The following GRID2 variants were observed in gnomAD, a reference collection of about 807,000 sequenced individuals.
GRID2 encodes glutamate ionotropic receptor delta type subunit 2, also known as glutamate receptor ionotropic, delta-2.
In GRID2, 33 loss-of-function variants were observed where a neutral mutation model predicts 114.8. The observed-to-expected ratio is 0.29, with a 90% confidence interval of 0.22 to 0.38. The LOEUF (loss-of-function observed/expected upper bound fraction) is 0.38. Ranked by LOEUF, GRID2 falls within the 10% of genes least tolerant of loss-of-function variation. The pLI, the probability that GRID2 is intolerant of heterozygous loss-of-function variation, is 1.00. For synonymous variants in GRID2, 505 were observed against 449.9 expected, an observed-to-expected ratio of 1.12 and a Z score of -1.55; for missense variants, 1,184 against 1,257.7, an observed-to-expected ratio of 0.94 and a Z score of 0.89.
In GRID2 at chr4:92,935,506, A is replaced by C. The variant is rs1750596390; in HGVS notation, c.245-149489A>C. Among the ~76,000 whole-genome samples the C allele has an allele frequency of 1.4e-5, 2 of 146,646 alleles. 1 individual carries two copies. Among genetic ancestry groups the C allele is most frequent in the Non-Finnish European group, 3.0e-5 (2 of 66,318 alleles). On this transcript the variant is annotated intron_variant, in intron 2 of 15. Transcript: ENST00000282020. ...TCCTCAGGGATCTAGAACTAGAAAT[A>C]CCATTTGACCCAGCCATCCCATTAC...
At chr4:92,499,366 T>C (rs2149121515) in intron 1 of GRID2, among the ~76,000 whole-genome samples, 1 of 152,282 alleles carries the variant, frequency 6.6e-6, no homozygotes, top group African/African-American at 2.4e-5. Flanking sequence ...CTTATTCTGC[T>C]GCCCATTCCT....
chr4:92,443,348 G>T (rs921512938), intron 1 of GRID2, among the ~76,000 whole-genome samples: 9 of 152,118 alleles, frequency 5.9e-5, no homozygotes, highest in Non-Finnish European at 1.3e-4. Context: ...AGGCATTTAG[G>T]TTTTAGGTCA....
intron 14 of GRID2, among the ~76,000 whole-genome samples, chr4:93,644,590 G>A (rs1302478590): frequency 2.0e-5 from 3 of 152,008 alleles, no homozygotes; most frequent in Non-Finnish European, 4.4e-5. Flanking sequence ...GGCCCTTCTA[G>A]GGAGCCTCTT....
At chr4:93,756,412 T>A (rs913840553) in intron 14 of GRID2, among the ~76,000 whole-genome samples, 2 of 152,168 alleles carry the variant, frequency 1.3e-5, no homozygotes, top group African/African-American at 2.4e-5. Context: ...GCTTAAACAA[T>A]GGAAATTTAT....
intron 2 of GRID2, among the ~76,000 whole-genome samples, chr4:92,720,932 C>A (rs573009547): frequency 1.3e-5 from 2 of 152,078 alleles, no homozygotes. Context: ...AATGAACAAA[C>A]AAAATGTGGT....
chr4:93,455,892 C>G lies in GRID2; in HGVS notation c.1776C>G (p.Pro592=). Residue 592 remains proline (P), a synonymous_variant, in exon 11 of 16, where the codon CCC becomes CCG. Coordinates refer to ENST00000282020, the MANE Select transcript of GRID2 (RefSeq NM_001510.4). ...LLVYLLNWLN[P]PRLQMGSMTS... ...TCTACCTCTTGAACTGGCTTAATCC[C>G]CCACGATTACAAATGGGATCAATGA... 6.2e-7 allele frequency: 1 copy of G among 1,610,740 alleles called. No individual in the cohort carries two copies. The highest frequency in any genetic ancestry group is 1.3e-5 in the African/African-American group (1 of 74,950).
At chr4:92,553,678 GTC>G (rs1358402610) in intron 1 of GRID2, among the ~76,000 whole-genome samples, 4 of 150,510 alleles carry the variant, frequency 2.7e-5, no homozygotes, top group African/African-American at 7.3e-5. Flanking sequence ...TTTTTAGACA[GTC>G]TCTCTCTGTC....
intron 4 of GRID2, among the ~76,000 whole-genome samples, chr4:93,168,066 C>A (rs1374401463): frequency 6.6e-6 from 1 of 151,958 alleles, no homozygotes; most frequent in East Asian, 1.9e-4. Flanking sequence ...TGTAGTGGTG[C>A]ACTCTTGTAA....
chr4:93,678,345 A>G (rs1038867812), intron 14 of GRID2, among the ~76,000 whole-genome samples: 15 of 152,332 alleles, frequency 9.8e-5, no homozygotes, highest in African/African-American at 2.9e-4. Flanking sequence ...CAAGTTGGAA[A>G]ACACTCTGCA....
intron 14 of GRID2, among the ~76,000 whole-genome samples, chr4:93,678,508 T>C (rs1725153479): frequency 6.6e-6 from 1 of 151,516 alleles, no homozygotes; most frequent in Non-Finnish European, 1.5e-5. Flanking sequence ...AAGGAAAAAA[T>C]GTTAAGGGCA....
chr4:92,995,823 T>A (rs1451200916), intron 2 of GRID2, among the ~76,000 whole-genome samples: 1 of 152,212 alleles, frequency 6.6e-6, no homozygotes, highest in Non-Finnish European at 1.5e-5. Flanking sequence ...TGTTAAAGTA[T>A]CTGGGCTTGA....
At chr4:92,776,066 TCA>T (rs1325804558) in intron 2 of GRID2, among the ~76,000 whole-genome samples, 1 of 152,158 alleles carries the variant, frequency 6.6e-6, no homozygotes, top group Non-Finnish European at 1.5e-5. Context: ...TTTGATAATC[TCA>T]GATTAAAACT....
intron 15 of GRID2, 68 bp downstream of exon 15, chr4:93,769,518 C>T: frequency 6.7e-7 from 1 of 1,500,170 alleles, no homozygotes; most frequent in African/African-American, 1.4e-5. Flanking sequence ...GGAGGACCAT[C>T]CCAGGGAGGA....
chr4:92,857,504 ATTTC>A (rs1744256764), intron 2 of GRID2, among the ~76,000 whole-genome samples: 1 of 152,206 alleles, frequency 6.6e-6, no homozygotes, highest in African/African-American at 2.4e-5. Flanking sequence ...CAGCCACAGC[ATTTC>A]TTTAAGTCAA....
At chr4:92,703,246 A>G (rs887804869) in intron 2 of GRID2, among the ~76,000 whole-genome samples, 9 of 152,210 alleles carry the variant, frequency 5.9e-5, no homozygotes, top group Non-Finnish European at 1.3e-4. Flanking sequence ...TGTGCTTAAC[A>G]GTGCCTGTGA....
intron 6 of GRID2, among the ~76,000 whole-genome samples, chr4:93,221,443 G>T (rs1196794887): frequency 2.0e-5 from 3 of 152,150 alleles, no homozygotes; most frequent in African/African-American, 7.2e-5. Flanking sequence ...AAGGTAGGGA[G>T]AAATGATTGG....
At chr4:92,555,301 G>A (rs1008927783) in intron 1 of GRID2, among the ~76,000 whole-genome samples, 9 of 152,180 alleles carry the variant, frequency 5.9e-5, no homozygotes, top group Non-Finnish European at 1.3e-4. Context: ...TAGGGTTATA[G>A]GAGAATGATT....
chr4:92,908,561 C>CAAAAAAAAAAAAAAA (rs762037449), intron 2 of GRID2, among the ~76,000 whole-genome samples: 15 of 35,968 alleles, frequency 4.2e-4, no homozygotes, highest in African/African-American at 1.2e-3. Flanking sequence ...GACTCCATCT[C>CAAAAAAAAAAAAAAA]AAAAAAAAAA....
intron 2 of GRID2, among the ~76,000 whole-genome samples, chr4:92,617,640 T>C: frequency 6.6e-6 from 1 of 151,762 alleles, no homozygotes; most frequent in South Asian, 2.1e-4. Context: ...TTCATTTCCT[T>C]CCTTTTCTCT....
Sources: allele counts gnomAD v4.1 joint callset (sites outside exome capture counted in the v4.1 genomes callset), GRCh38; gene constraint gnomAD v4.1.1; transcripts MANE v1.5; gene names NCBI Gene and HGNC (gene_info 2026-07-23, HGNC 2026-07-21).